TMEM245: variants seen among roughly 807,000 people sequenced by gnomAD.
TMEM245 encodes the protein protein CG-2.
A neutral mutation model predicts 101.2 loss-of-function variants in TMEM245; 69 were observed. That is an observed-to-expected ratio of 0.68 (90% CI 0.56 to 0.83). The LOEUF (loss-of-function observed/expected upper bound fraction) is 0.83, where lower values mean the gene tolerates loss of function less well. Among genes scored for constraint, TMEM245 ranks in the 40% least tolerant of loss-of-function variants. The probability of loss-of-function intolerance (pLI) is 0.00; values close to 1 mark genes in which losing one functional copy is unlikely to be tolerated. For missense variants in TMEM245, 1,075 were observed against 1,092.8 expected (o/e 0.98, Z 0.23); for synonymous variants, 537 against 449.8 (o/e 1.19, Z -2.45).
intron 17 of TMEM245, 21 bp downstream of exon 17, chr9:109,033,286 G>C (rs1828018668): frequency 6.3e-7 from 1 of 1,576,440 alleles, no homozygotes; most frequent in African/African-American, 1.4e-5. Flanking sequence ...TACAGCTTAT[G>C]ATTATTCTGC....
rs1405097943 is a variant in TMEM245, at chr9:109,044,524, A to G, written c.2123+5759T>C. On this transcript the variant is annotated intron_variant, in intron 14 of 17. Transcript: ENST00000374586. ...CTAAAGGACTGTCATTCCCCTTCCCAGTATTCTAGCCTCACTGCAATATGG... is the reference window on the plus strand; with the variant it reads ...CTAAAGGACTGTCATTCCCCTTCCCGGTATTCTAGCCTCACTGCAATATGG... 3.9e-5 allele frequency among the ~76,000 whole-genome samples: 6 copies of G among 152,182 alleles called. No individual in the cohort carries two copies. The East Asian group carries it at 9.6e-4, about 24-fold the overall frequency.
At chr9:109,030,037 T>C (rs1827901640) in intron 17 of TMEM245, among the ~76,000 whole-genome samples, 2 of 152,242 alleles carry the variant, frequency 1.3e-5, no homozygotes, top group Admixed American at 1.3e-4. Context: ...ACCTGAATAC[T>C]GATCTAACCA....
chr9:109,108,316 G>T, intron 2 of TMEM245, 137 bp downstream of exon 2: 1 of 435,024 alleles, frequency 2.3e-6, no homozygotes. Context: ...AAAGATTAAA[G>T]CATAACATTT....
intron 10 of TMEM245, among the ~76,000 whole-genome samples, chr9:109,061,628 G>A (rs1325874094): frequency 6.0e-5 from 9 of 150,918 alleles, no homozygotes; most frequent in African/African-American, 1.2e-4. Flanking sequence ...GTGCAGTGGC[G>A]CGATCTCGAC....
intron 14 of TMEM245, among the ~76,000 whole-genome samples, chr9:109,040,913 G>C (rs1027382830): frequency 6.6e-6 from 1 of 152,180 alleles, no homozygotes; most frequent in East Asian, 1.9e-4. Context: ...TTGTGTACAA[G>C]TCTTTGTGGA....
At chr9:109,081,193 T>C (rs890854645) in intron 7 of TMEM245, among the ~76,000 whole-genome samples, 2 of 152,154 alleles carry the variant, frequency 1.3e-5, no homozygotes, top group African/African-American at 4.8e-5. Context: ...CATATCTATG[T>C]TCAAATTCTC....
intron 17 of TMEM245, among the ~76,000 whole-genome samples, chr9:109,025,979 T>C (rs1419509603): frequency 6.6e-6 from 1 of 152,246 alleles, no homozygotes; most frequent in African/African-American, 2.4e-5. Context: ...CAAGTTTTTT[T>C]GCAGTGTGGA....
At chr9:109,070,033 T>C (rs1447456467) in intron 9 of TMEM245, among the ~76,000 whole-genome samples, 1 of 152,226 alleles carries the variant, frequency 6.6e-6, no homozygotes, top group Admixed American at 6.5e-5. Context: ...ACCTTTCTCA[T>C]AGCCCATTCT....
At position 109,023,416 on chromosome 9, in the gene TMEM245, T is replaced by C. The variant is rs555731258; in HGVS notation, c.2595-2911A>G. On this transcript the variant is annotated intron_variant, in intron 17 of 17. Coordinates refer to ENST00000374586, the MANE Select transcript of TMEM245 (RefSeq NM_032012.4). ...AACTCTCTACGTTAGAAACAAATACTGTATTGACACTATTTTCTGAAAATG... is the reference window on the plus strand; with the variant it reads ...AACTCTCTACGTTAGAAACAAATACCGTATTGACACTATTTTCTGAAAATG... 2.3e-3 allele frequency among the ~76,000 whole-genome samples: 345 copies of C among 152,354 alleles called. 1 individual carries two copies. Among genetic ancestry groups the C allele is most frequent in the Non-Finnish European group, 4.0e-3 (270 of 68,040 alleles).
At chr9:109,071,735 G>A (rs550733468) in intron 9 of TMEM245, among the ~76,000 whole-genome samples, 2 of 152,264 alleles carry the variant, frequency 1.3e-5, no homozygotes, top group East Asian at 1.9e-4. Flanking sequence ...AAAACTGGCA[G>A]AATATTTCCT....
At position 109,091,029 on chromosome 9, in the gene TMEM245, T is replaced by C. The variant is rs1459439159; in HGVS notation, c.1043A>G (p.Lys348Arg). 6 of 1,614,210 alleles carry C rather than the reference T, an allele frequency of 3.7e-6. No individual in the cohort carries two copies. The South Asian group carries it at 4.4e-5, about 12-fold the overall frequency. ...RRPEIGTFLRKKKTSDIYFVS... is the reference protein window; with the variant it reads ...RRPEIGTFLRRKKTSDIYFVS... ...AAAGTAGATGTCACTAGTTTTCTTC[T>C]TTCTAAGAAACGTTCCTATTTCAGG... The change falls in exon 5 of 18, where the codon AAG (lysine) becomes AGG (arginine). Residue 348 changes from lysine (K) to arginine (R), a missense_variant. This residue lies in a region of TMEM245 where 808 missense variants were observed against 741.5 expected (regional missense o/e 1.09). Coordinates refer to ENST00000374586, the MANE Select transcript of TMEM245 (RefSeq NM_032012.4).
At chr9:109,115,492 T>C (rs1305873056) in intron 1 of TMEM245, among the ~76,000 whole-genome samples, 2 of 151,064 alleles carry the variant, frequency 1.3e-5, no homozygotes, top group Non-Finnish European at 2.9e-5. Flanking sequence ...AATGCTGATA[T>C]TTTTCTGATT....
intron 12 of TMEM245, among the ~76,000 whole-genome samples, chr9:109,056,576 A>T (rs919439600): frequency 6.6e-6 from 1 of 151,970 alleles, no homozygotes; most frequent in African/African-American, 2.4e-5. Context: ...AGATCACACT[A>T]CTGCACTCCA....
intron 14 of TMEM245, among the ~76,000 whole-genome samples, chr9:109,043,350 G>C (rs1282768940): frequency 1.1e-4 from 16 of 152,120 alleles, no homozygotes; most frequent in Admixed American, 1.0e-3. Flanking sequence ...TGGTGCCAAT[G>C]GTCATTACCC....
intron 9 of TMEM245, among the ~76,000 whole-genome samples, chr9:109,069,601 T>C (rs16913786): frequency 0.06 from 9,110 of 152,194 alleles, 929 homozygotes; most frequent in African/African-American, 0.21. Context: ...TCTGACCTGC[T>C]TTCCCCAGCT....
chr9:109,115,830 T>C lies in TMEM245; in HGVS notation c.579+3505A>G, dbSNP rs1425308757. Among the ~76,000 whole-genome samples the C allele has an allele frequency of 3.9e-5, 6 of 152,110 alleles. No individual in the cohort carries two copies. The South Asian group carries it at 1.2e-3, about 32-fold the overall frequency. ...CAGGTGTGAGCAACCGCACCTGGCC[T>C]ACAATCCACTAAAAATAATTAAACA... On this transcript the variant is annotated intron_variant, in intron 1 of 17. Coordinates refer to ENST00000374586, the MANE Select transcript of TMEM245 (RefSeq NM_032012.4).
chr9:109,108,554 A>T lies in TMEM245; in HGVS notation c.596T>A (p.Val199Asp), dbSNP rs749783775. 2 of 1,604,380 alleles carry T rather than the reference A, an allele frequency of 1.2e-6. No individual in the cohort carries two copies. Among genetic ancestry groups the T allele is most frequent in the Non-Finnish European group, 1.7e-6 (2 of 1,176,526 alleles). ...FSSLWIWTLV[V>D]GYVLTVSFKW... ...GAATGAAACAGTCAACACATAGCCAACCACCAACGTCCAGATCTTAAATAA... is the reference window on the plus strand; with the variant it reads ...GAATGAAACAGTCAACACATAGCCATCCACCAACGTCCAGATCTTAAATAA... Residue 199 changes from valine (V) to aspartate (D), a missense_variant, in exon 2 of 18, where the codon GTT (valine) becomes GAT (aspartate). Around this residue, in one of 2 missense-constraint regions of TMEM245, gnomAD observed 808 missense variants for 741.5 expected, o/e 1.09. Transcript: ENST00000374586.
intron 4 of TMEM245, among the ~76,000 whole-genome samples, chr9:109,093,013 G>A (rs1262005156): frequency 6.6e-6 from 1 of 152,026 alleles, no homozygotes; most frequent in Non-Finnish European, 1.5e-5. Context: ...TTGGGAAAAG[G>A]GAACAAAAGA....
intron 16 of TMEM245, among the ~76,000 whole-genome samples, chr9:109,035,014 G>A (rs147835111): frequency 0.014 from 2,108 of 151,714 alleles, 53 homozygotes; most frequent in African/African-American, 0.049. Flanking sequence ...AAAATTAGCC[G>A]GGTGTGGTGG....
Sources: gnomAD v4.1 joint callset for allele counts (sites outside exome capture counted in the v4.1 genomes callset) on GRCh38, gnomAD v4.1.1 for gene constraint, gnomAD v4.1.1 regional missense constraint, MANE v1.5 for transcripts, NCBI Gene and HGNC (gene_info 2026-07-23, HGNC 2026-07-21) for gene names.